The following COL6A6 variants were observed in gnomAD, a reference collection of about 807,000 sequenced individuals.
COL6A6 encodes the protein collagen type VI alpha 6 chain.
In COL6A6, 183 loss-of-function variants were observed where a neutral mutation model predicts 208.6. The observed-to-expected ratio is 0.88, with a 90% CI of 0.78 to 0.99. The LOEUF is 0.99. Among genes scored for constraint, COL6A6 ranks in the 50% least tolerant of loss-of-function variants. The pLI, the probability that COL6A6 is intolerant of heterozygous loss-of-function variation, is 0.00. For missense variants in COL6A6, 2,816 were observed against 2,815.2 expected (o/e 1.00, Z -0.01); for synonymous variants, 973 against 1,011.8 (o/e 0.96, Z 0.73).
chr3:130,548,634 T>A (rs2062574274), intron 1 of COL6A6, among the ~76,000 whole-genome samples: 1 of 152,248 alleles, frequency 6.6e-6, no homozygotes, highest in South Asian at 2.1e-4. Context: ...GCCAGAAGCA[T>A]GAGGGTTTTT....
rs1553724907 is a variant in COL6A6, at chr3:130,673,220, A to AAAAAAAAAAAC, written c.6597-1973_6597-1972insACAAAAAAAAA. Reference sequence around the variant, plus strand: ...AAAACAAAAAAAACAAAAAAAACAAAAAAAAAAAACAAAACCCAAGTGCAA... The same window carrying AAAAAAAAAAAC: ...AAAACAAAAAAAACAAAAAAAACAAAAAAAAAAAAACAAAAAAAAACAAAACCCAAGTGCAA... On this transcript the variant is annotated intron_variant, in intron 36 of 36. Transcript: ENST00000358511. 8.9e-3 allele frequency among the ~76,000 whole-genome samples: 1,159 copies of AAAAAAAAAAAC among 129,610 alleles called. 25 individuals carry two copies. The highest frequency in any genetic ancestry group is 0.031 in the African/African-American group (1,070 of 34,408). The allele number at this position is 129,610 out of a possible 152,430, so 85.0% of individuals were successfully genotyped here. A position where few individuals can be genotyped will look rare whatever the true frequency, so the allele number is the denominator to read the frequency against.
intron 25 of COL6A6, 43 bp from the exon 26 acceptor site, chr3:130,627,276 A>G: frequency 6.4e-7 from 1 of 1,573,176 alleles, no homozygotes. Context: ...GCCTGTCTCT[A>G]TCTGTAGTCT....
In COL6A6 at chr3:130,565,615, G is replaced by C. The variant is rs200519575; in HGVS notation, c.1282+1G>C. The C allele has an allele frequency of 4.1e-4, 664 of 1,606,758 alleles. No homozygotes were observed. The highest frequency in any genetic ancestry group is 4.8e-4 in the Non-Finnish European group (559 of 1,176,278). ...GAGAGGACTGAAACGCTCAAATCTG[G>C]TAAGGTCTTCTGCTGAAAGAAGGGT... On this transcript the variant is annotated splice_donor_variant, in intron 4 of 36. Coordinates refer to ENST00000358511, the MANE Select transcript of COL6A6 (RefSeq NM_001102608.3). LOFTEE classifies it high-confidence loss of function.
chr3:130,595,513 T>C (rs1245925053), intron 18 of COL6A6, among the ~76,000 whole-genome samples: 1 of 152,188 alleles, frequency 6.6e-6, no homozygotes, highest in Non-Finnish European at 1.5e-5. Flanking sequence ...ATCCTGTCAC[T>C]ATTAATTAGT....
chr3:130,608,667 TAA>T (rs1425741158), intron 21 of COL6A6, among the ~76,000 whole-genome samples: 1 of 150,962 alleles, frequency 6.6e-6, no homozygotes, highest in Admixed American at 6.7e-5. Flanking sequence ...TGCATATATA[TAA>T]AGATGGAAAG....
At chr3:130,622,211 C>CG (rs745476745) in intron 24 of COL6A6, among the ~76,000 whole-genome samples, 1 of 135,628 alleles carries the variant, frequency 7.4e-6, no homozygotes, top group South Asian at 2.5e-4. Context: ...CTACCCCCCC[C>CG]TTTTTTTTTT....
chr3:130,528,235 C>CA (rs1220655358), intron 1 of COL6A6, among the ~76,000 whole-genome samples: 2 of 152,078 alleles, frequency 1.3e-5, no homozygotes, highest in Admixed American at 1.3e-4. Flanking sequence ...GAAAGAGGAA[C>CA]AAAAAGGTTG....
intron 24 of COL6A6, among the ~76,000 whole-genome samples, chr3:130,623,104 A>T (rs1038542247): frequency 6.6e-6 from 1 of 152,124 alleles, no homozygotes; most frequent in African/African-American, 2.4e-5. Context: ...TTTTGAATGG[A>T]GTGGATGAAC....
chr3:130,543,745 TGTC>T (rs796527257), intron 1 of COL6A6, among the ~76,000 whole-genome samples: 2 of 152,338 alleles, frequency 1.3e-5, no homozygotes, highest in African/African-American at 4.8e-5. Context: ...TTTCATCTGT[TGTC>T]TGTTAGATGA....
chr3:130,605,112 G>C (rs1360404617), intron 20 of COL6A6, among the ~76,000 whole-genome samples: 1 of 152,072 alleles, frequency 6.6e-6, no homozygotes, highest in Admixed American at 6.5e-5. Context: ...TCATAGCTTA[G>C]GCTGTACCTC....
Position 130,563,293 on chromosome 3 carries a change from A to G in COL6A6, c.290A>G (p.Asn97Ser). The stretch of plus-strand genomic sequence containing the variant: ...CCCATGCTGAACCACCTAAGGAAGA[A>G]CTTTGGATTCATTGGCGGGTCCCTG... ...RSPMLNHLRKNFGFIGGSLQI... is the reference protein window; with the variant it reads ...RSPMLNHLRKSFGFIGGSLQI... The change falls in exon 3 of 37, where the codon AAC becomes AGC. Residue 97 changes from asparagine to serine, a missense_variant. By Grantham distance (46) the Asn-to-Ser change is conservative. Coordinates refer to ENST00000358511, the MANE Select transcript of COL6A6 (RefSeq NM_001102608.3). 1 of 1,614,030 alleles carries G rather than the reference A, an allele frequency of 6.2e-7. No individual in the cohort carries two copies. The highest frequency in any genetic ancestry group is 8.5e-7 in the Non-Finnish European group (1 of 1,179,880).
Position 130,627,348 on chromosome 3 carries a change from T to C in COL6A6, c.4971T>C (p.Ser1657=), listed in dbSNP as rs781157719. 1.2e-6 allele frequency: 2 copies of C among 1,613,802 alleles called. No individual in the cohort carries two copies. Among genetic ancestry groups the C allele is most frequent in the South Asian group, 1.1e-5 (1 of 91,074 alleles). ...ATGATGGCAGTCCAGGTTATGGTAG[T>C]GTCGGACGCAAGGGAGCAAAGGTAA... ...QGNDGSPGYG[S]VGRKGAKGQE... is the part of the protein sequence containing the mutation. Residue 1657 remains serine (S), a synonymous_variant, in exon 26 of 37, where the codon AGT becomes AGC. Transcript: ENST00000358511.
At chr3:130,528,760 A>T (rs1042188913) in intron 1 of COL6A6, among the ~76,000 whole-genome samples, 1 of 152,222 alleles carries the variant, frequency 6.6e-6, no homozygotes, top group Non-Finnish European at 1.5e-5. Context: ...AATCAGGATC[A>T]CTGGGGATGG....
chr3:130,662,510 T>A (rs1431895129), intron 35 of COL6A6, among the ~76,000 whole-genome samples: 1 of 150,860 alleles, frequency 6.6e-6, no homozygotes, highest in African/African-American at 2.4e-5. Flanking sequence ...TCTGGCTTAT[T>A]TTTTTTTTAT....
At chr3:130,639,034 A>G (rs555644657) in intron 28 of COL6A6, among the ~76,000 whole-genome samples, 7 of 152,082 alleles carry the variant, frequency 4.6e-5, no homozygotes, top group Non-Finnish European at 1.5e-5. Flanking sequence ...TATGTTCTCT[A>G]TTCCCTATTT....
chr3:130,661,937 T>C lies in COL6A6; in HGVS notation c.6131T>C (p.Met2044Thr), dbSNP rs2065944926. Residue 2044 changes from methionine (M) to threonine (T), a missense_variant, in exon 35 of 37, where the codon ATG becomes ACG. Physicochemically the swap from Met to Thr is moderately conservative, Grantham distance 81. Coordinates refer to ENST00000358511, the MANE Select transcript of COL6A6 (RefSeq NM_001102608.3). ...ACCACCTACAGAAGTAAGCGCCTCA[T>C]GAAGAGGCATGTGCACGAGTCAGTT... ...NLTTYRSKRL[M>T]KRHVHESVKQ... 6.2e-7 allele frequency: 1 copy of C among 1,613,906 alleles called. No individual in the cohort carries two copies. Among genetic ancestry groups the C allele is most frequent in the Non-Finnish European group, 8.5e-7 (1 of 1,179,892 alleles).
intron 1 of COL6A6, among the ~76,000 whole-genome samples, chr3:130,546,256 T>G (rs552846216): frequency 6.6e-6 from 1 of 152,300 alleles, no homozygotes; most frequent in East Asian, 1.9e-4. Context: ...GTTTGTGGTC[T>G]CGCTGGCTTC....
intron 1 of COL6A6, among the ~76,000 whole-genome samples, chr3:130,519,979 C>A (rs1189065302): frequency 6.6e-6 from 1 of 152,140 alleles, no homozygotes; most frequent in African/African-American, 2.4e-5. Flanking sequence ...TGGAAGTGTT[C>A]TAGTTTGTAG....
At chr3:130,639,959 A>G (rs1440500580) in intron 28 of COL6A6, among the ~76,000 whole-genome samples, 3 of 152,162 alleles carry the variant, frequency 2.0e-5, no homozygotes, top group Admixed American at 2.0e-4. Context: ...CATTTACTGT[A>G]CATACCCTCA....
Sources: allele counts gnomAD v4.1 joint callset (sites outside exome capture counted in the v4.1 genomes callset), GRCh38; gene constraint gnomAD v4.1.1; transcripts MANE v1.5; gene names NCBI Gene and HGNC (gene_info 2026-07-23, HGNC 2026-07-21).